CADM2: variants seen among roughly 807,000 people sequenced by gnomAD.
CADM2 encodes the protein immunoglobulin superfamily member 4D.
A neutral mutation model predicts 49.8 loss-of-function variants in CADM2; 12 were observed. The ratio of observed to expected loss-of-function variants is 0.24; its 90% CI spans 0.15 to 0.39. The LOEUF (loss-of-function observed/expected upper bound fraction) is 0.39, where lower values mean the gene tolerates loss of function less well. Among genes scored for constraint, CADM2 ranks in the 10% least tolerant of loss-of-function variants. The probability of loss-of-function intolerance (pLI) is 1.00; values close to 1 mark genes in which losing one functional copy is unlikely to be tolerated. For synonymous variants in CADM2, 214 were observed against 175.4 expected, an observed-to-expected ratio of 1.22 and a Z score of -1.74; for missense variants, 378 against 492.3, an observed-to-expected ratio of 0.77 and a Z score of 2.20.
chr3:85,107,631 T>TTC (rs58177574), intron 1 of CADM2, among the ~76,000 whole-genome samples: 23 of 137,942 alleles, frequency 1.7e-4, no homozygotes, highest in Non-Finnish European at 2.8e-4. Context: ...CTTTCTTTCT[T>TTC]TTTCTTTCTT....
intron 1 of CADM2, among the ~76,000 whole-genome samples, chr3:85,176,075 C>T (rs2107693897): frequency 6.6e-6 from 1 of 151,882 alleles, no homozygotes; most frequent in Non-Finnish European, 1.5e-5. Context: ...ATACATGGAG[C>T]ATTAGAAGAG....
At chr3:85,209,474 T>G (rs1198621942) in intron 1 of CADM2, among the ~76,000 whole-genome samples, 1 of 152,174 alleles carries the variant, frequency 6.6e-6, no homozygotes, top group Admixed American at 6.5e-5. Flanking sequence ...ATTTATGTAC[T>G]TAAATATTTC....
In CADM2 at chr3:85,261,384, T is replaced by A. The variant is rs568744247; in HGVS notation, c.61+301716T>A. 2.0e-5 allele frequency among the ~76,000 whole-genome samples: 3 copies of A among 152,246 alleles called. No homozygotes were observed. The South Asian group carries it at 6.2e-4, about 32-fold the overall frequency. The stretch of plus-strand genomic sequence containing the variant: ...CTCCTGACCTAGTGATCCACCAGCC[T>A]TGGCCTTCCAAAGTGCTAGGATTAC... On this transcript the variant is annotated intron_variant, in intron 1 of 9. Transcript: ENST00000383699.
intron 8 of CADM2, among the ~76,000 whole-genome samples, chr3:86,049,033 G>T (rs1737015519): frequency 6.6e-6 from 1 of 152,072 alleles, no homozygotes; most frequent in South Asian, 2.1e-4. Flanking sequence ...TTGTACCCTT[G>T]TTTTTTCCTG....
intron 1 of CADM2, among the ~76,000 whole-genome samples, chr3:84,972,526 T>A (rs1358766600): frequency 6.6e-6 from 1 of 152,210 alleles, no homozygotes; most frequent in East Asian, 1.9e-4. Context: ...ATACATACTT[T>A]TCTCACAAAA....
chr3:85,658,574 G>GTTTA (rs1553656698), intron 1 of CADM2, among the ~76,000 whole-genome samples: 1 of 55,498 alleles, frequency 1.8e-5, no homozygotes. Context: ...TTGGATATAT[G>GTTTA]TGTATATATA....
At chr3:85,173,189 A>T (rs1182604876) in intron 1 of CADM2, among the ~76,000 whole-genome samples, 1 of 151,400 alleles carries the variant, frequency 6.6e-6, no homozygotes, top group African/African-American at 2.4e-5. Context: ...ATTTTTACAT[A>T]TAAATATAGA....
intron 8 of CADM2, among the ~76,000 whole-genome samples, chr3:86,029,788 T>A (rs1489408830): frequency 6.6e-6 from 1 of 152,006 alleles, no homozygotes; most frequent in East Asian, 1.9e-4. Context: ...CTCCTGATAT[T>A]TAAGACTGGT....
intron 1 of CADM2, among the ~76,000 whole-genome samples, chr3:85,252,234 C>T (rs1576214891): frequency 6.6e-6 from 1 of 151,956 alleles, no homozygotes; most frequent in Non-Finnish European, 1.5e-5. Flanking sequence ...CTTATGTTAA[C>T]AAACAGCACA....
intron 1 of CADM2, among the ~76,000 whole-genome samples, chr3:85,436,220 G>A (rs1012240361): frequency 7.9e-5 from 12 of 152,118 alleles, no homozygotes; most frequent in South Asian, 2.1e-4. Flanking sequence ...TTGACTCTCT[G>A]TTTATCTATT....
intron 1 of CADM2, among the ~76,000 whole-genome samples, chr3:85,113,664 T>C (rs538307927): frequency 3.0e-4 from 44 of 146,202 alleles, no homozygotes; most frequent in African/African-American, 1.2e-3. Flanking sequence ...TTTTAATATT[T>C]ATTGCTTTTT....
At chr3:85,461,633 G>A (rs760218281) in intron 1 of CADM2, among the ~76,000 whole-genome samples, 8 of 145,856 alleles carry the variant, frequency 5.5e-5, no homozygotes, top group South Asian at 2.2e-4. Flanking sequence ...CCCAATTCAA[G>A]TTCTTACTGC....
At chr3:85,581,860 A>T (rs916201022) in intron 1 of CADM2, among the ~76,000 whole-genome samples, 1 of 151,606 alleles carries the variant, frequency 6.6e-6, no homozygotes, top group Non-Finnish European at 1.5e-5. Context: ...GGTTTTAAAT[A>T]TATAATGTGG....
At chr3:85,461,117 C>A (rs904679393) in intron 1 of CADM2, among the ~76,000 whole-genome samples, 2 of 151,998 alleles carry the variant, frequency 1.3e-5, no homozygotes, top group Admixed American at 6.6e-5. Context: ...TATGCTCTGC[C>A]TCCATTCATT....
At chr3:85,344,640 T>A (rs942732217) in intron 1 of CADM2, among the ~76,000 whole-genome samples, 1 of 151,570 alleles carries the variant, frequency 6.6e-6, no homozygotes, top group Non-Finnish European at 1.5e-5. Flanking sequence ...ACATCTTCTC[T>A]ATTTTTTTTT....
intron 1 of CADM2, among the ~76,000 whole-genome samples, chr3:85,466,579 T>C (rs2038501546): frequency 6.6e-6 from 1 of 152,184 alleles, no homozygotes; most frequent in African/African-American, 2.4e-5. Context: ...AGAATATAGT[T>C]TCAATCTCAA....
At chr3:85,857,286 G>A (rs1398887158) in intron 3 of CADM2, among the ~76,000 whole-genome samples, 1 of 152,078 alleles carries the variant, frequency 6.6e-6, no homozygotes, top group Non-Finnish European at 1.5e-5. Flanking sequence ...GTTCACTGTA[G>A]AGGTTGAGGT....
intron 8 of CADM2, among the ~76,000 whole-genome samples, chr3:86,025,838 ATACT>A (rs1420496215): frequency 2.0e-5 from 3 of 152,188 alleles, no homozygotes; most frequent in African/African-American, 4.8e-5. Flanking sequence ...ACAGAAAAAA[ATACT>A]TACTTGTTCC....
At chr3:85,853,288 G>C (rs2108297608) in intron 3 of CADM2, among the ~76,000 whole-genome samples, 1 of 151,638 alleles carries the variant, frequency 6.6e-6, no homozygotes, top group Middle Eastern at 3.4e-3. Flanking sequence ...CAAGGGGTGG[G>C]GGGAAGCAAC....
Sources: gnomAD v4.1 joint callset for allele counts (sites outside exome capture counted in the v4.1 genomes callset) on GRCh38, gnomAD v4.1.1 for gene constraint, MANE v1.5 for transcripts, NCBI Gene and HGNC (gene_info 2026-07-23, HGNC 2026-07-21) for gene names.